The following FGD4 variants were observed in gnomAD, a reference collection of about 807,000 sequenced individuals.
The protein encoded by FGD4 is FYVE, RhoGEF and PH domain-containing protein 4.
Under a neutral mutation model 102.0 loss-of-function variants are expected in FGD4, and 42 were observed. The ratio of observed to expected loss-of-function variants is 0.41; its 90% confidence interval spans 0.32 to 0.53. The LOEUF (loss-of-function observed/expected upper bound fraction) is 0.53. Among genes scored for constraint, FGD4 ranks in the 20% least tolerant of loss-of-function variants. The pLI, the probability that FGD4 is intolerant of heterozygous loss-of-function variation, is 0.21. For synonymous variants in FGD4, 380 were observed against 375.7 expected, an observed-to-expected ratio of 1.01 and a Z score of -0.13; for missense variants, 902 against 1,078.2, an observed-to-expected ratio of 0.84 and a Z score of 2.29.
chr12:32,534,574 G>A (rs1005036560), intron 1 of FGD4: 20 of 884,818 alleles, frequency 2.3e-5, no homozygotes, highest in Non-Finnish European at 1.6e-6. Flanking sequence ...TGCATGCCGA[G>A]GGATGTAAAA....
At chr12:32,630,872 G>A (rs1950463305) in intron 14 of FGD4, among the ~76,000 whole-genome samples, 2 of 151,622 alleles carry the variant, frequency 1.3e-5, no homozygotes, top group Non-Finnish European at 2.9e-5. Flanking sequence ...CAGCTACTCA[G>A]GAGGCTGAGG....
At chr12:32,614,997 CAT>C (rs535055233) in intron 10 of FGD4, among the ~76,000 whole-genome samples, 62 of 152,282 alleles carry the variant, frequency 4.1e-4, no homozygotes, top group African/African-American at 1.2e-3. Flanking sequence ...AAATTGAAAA[CAT>C]GTGTCTGCAC....
At chr12:32,520,952 T>C (rs528715059) in intron 1 of FGD4, among the ~76,000 whole-genome samples, 1 of 152,258 alleles carries the variant, frequency 6.6e-6, no homozygotes, top group Admixed American at 6.5e-5. Context: ...GCCAAACTTG[T>C]CAATTACTAT....
At chr12:32,413,378 T>A (rs1941284736) in intron 1 of FGD4, among the ~76,000 whole-genome samples, 1 of 152,240 alleles carries the variant, frequency 6.6e-6, no homozygotes, top group African/African-American at 2.4e-5. Context: ...AACATTTACG[T>A]GCTGTGTAAA....
chr12:32,564,116 T>C, intron 1 of FGD4, 21 bp from the exon 2 acceptor site: 4 of 1,532,784 alleles, frequency 2.6e-6, no homozygotes, highest in Non-Finnish European at 3.5e-6. Flanking sequence ...TTACCTGCCC[T>C]TTCTTTCTGA....
chr12:32,558,336 G>A (rs914656226), intron 1 of FGD4, among the ~76,000 whole-genome samples: 4 of 152,202 alleles, frequency 2.6e-5, no homozygotes, highest in Admixed American at 2.6e-4. Flanking sequence ...AGAAAACTGT[G>A]TCTTCCCTCT....
rs555200249 is a variant in FGD4, at chr12:32,541,554, C to T, written c.167-22583C>T. 2.0e-4 allele frequency among the ~76,000 whole-genome samples: 30 copies of T among 152,136 alleles called. No homozygotes were observed. The South Asian group carries it at 5.0e-3, about 25-fold the overall frequency. ...CTAATTTTTGTATTTTTAGTAGAGA[C>T]GGGGTTTCACCACGTTGGCCAGGCT... On this transcript the variant is annotated intron_variant, in intron 1 of 16. Coordinates refer to ENST00000534526, the MANE Select transcript of FGD4 (RefSeq NM_001370298.3).
chr12:32,513,515 C>T (rs953419580), intron 1 of FGD4, among the ~76,000 whole-genome samples: 3 of 151,980 alleles, frequency 2.0e-5, no homozygotes, highest in Non-Finnish European at 4.4e-5. Flanking sequence ...GATGGAACTG[C>T]GGAGGAGGGG....
rs548103001 is a variant in FGD4, at chr12:32,590,365, TTC to T, written c.1011+7914_1011+7915del. Among the ~76,000 whole-genome samples the T allele has an allele frequency of 9.4e-4, 141 of 149,698 alleles. 1 individual carries two copies. The highest frequency in any genetic ancestry group is 2.5e-3 in the Admixed American group (38 of 15,010). ...GATATATGCATATCATAAGTGGGTG[TTC>T]TCTCTCTCTCTCTCTTTTTAATAAT... On this transcript the variant is annotated intron_variant, in intron 4 of 16. Coordinates refer to ENST00000534526, the MANE Select transcript of FGD4 (RefSeq NM_001370298.3).
intron 1 of FGD4, among the ~76,000 whole-genome samples, chr12:32,526,037 G>A (rs146673804): frequency 0.015 from 2,348 of 152,320 alleles, 61 homozygotes; most frequent in African/African-American, 0.053. Context: ...CATCGACCAC[G>A]CAAGGGCTGA....
chr12:32,501,489 A>G (rs1327507047), intron 1 of FGD4, among the ~76,000 whole-genome samples: 1 of 152,218 alleles, frequency 6.6e-6, no homozygotes, highest in Admixed American at 6.5e-5. Flanking sequence ...AACTCAGTAC[A>G]TAGTATAAAA....
chr12:32,480,692 G>A (rs1240566658), intron 1 of FGD4, among the ~76,000 whole-genome samples: 3 of 151,352 alleles, frequency 2.0e-5, no homozygotes, highest in Admixed American at 6.6e-5. Flanking sequence ...GTAGAGACGG[G>A]GTTTCACCAT....
intron 1 of FGD4, among the ~76,000 whole-genome samples, chr12:32,436,097 C>A (rs921586900): frequency 6.6e-6 from 1 of 152,118 alleles, no homozygotes; most frequent in African/African-American, 2.4e-5. Flanking sequence ...CTGTAAATGT[C>A]TGGAACAAGT....
chr12:32,442,561 C>CTT (rs35994170), intron 1 of FGD4, among the ~76,000 whole-genome samples: 3,414 of 106,984 alleles, frequency 0.032, 202 homozygotes, highest in African/African-American at 0.045. Context: ...ATCTTTCATC[C>CTT]TTTTTTTTTT....
chr12:32,474,159 A>G (rs183119053), intron 1 of FGD4, among the ~76,000 whole-genome samples: 69 of 152,204 alleles, frequency 4.5e-4, no homozygotes, highest in African/African-American at 1.6e-3. Context: ...GTAGAAATGT[A>G]AAATGGTACA....
At chr12:32,565,292 A>T (rs180946123) in intron 2 of FGD4, among the ~76,000 whole-genome samples, 1 of 152,302 alleles carries the variant, frequency 6.6e-6, no homozygotes, top group Non-Finnish European at 1.5e-5. Context: ...CACTACAATT[A>T]TATTTGTGGT....
rs56852726 is a variant in FGD4 at position 32,402,117 on chromosome 12, ATTTTTTTTTTTTT to A, written c.166+2175_166+2187del. Among the ~76,000 whole-genome samples, 130 of 105,200 alleles carry A rather than the reference ATTTTTTTTTTTTT, an allele frequency of 1.2e-3. 2 individuals carry two copies. Among genetic ancestry groups the A allele is most frequent in the East Asian group, 0.012 (46 of 3,728 alleles). 69.0% of individuals were successfully genotyped at this position (105,200 alleles called of 152,430 possible). A position where few individuals can be genotyped will look rare whatever the true frequency, so the allele number is the denominator to read the frequency against. On this transcript the variant is annotated intron_variant, in intron 1 of 16. Coordinates refer to ENST00000534526, the MANE Select transcript of FGD4 (RefSeq NM_001370298.3). The stretch of plus-strand genomic sequence containing the variant: ...CGGAGTTTCACCATGTTGGCCAGGC[ATTTTTTTTTTTTT>A]TTTTTTTTTTTTTTTTAAAGAGACG...
intron 1 of FGD4, among the ~76,000 whole-genome samples, chr12:32,422,288 C>CTTTTTTTGTTTTTTTTTTTTTTTTTT: frequency 1.8e-5 from 1 of 54,154 alleles, no homozygotes; most frequent in Non-Finnish European, 3.3e-5. Flanking sequence ...TTGGGAGCTG[C>CTTTTTTTGTTTTTTTTTTTTTTTTTT]TTTTTTTTTT....
intron 1 of FGD4, among the ~76,000 whole-genome samples, chr12:32,487,826 C>T (rs910495036): frequency 8.5e-5 from 13 of 152,182 alleles, no homozygotes; most frequent in African/African-American, 2.2e-4. Context: ...CTCAGCCTCC[C>T]GATAGCTGGG....
Sources: allele counts gnomAD v4.1 joint callset (sites outside exome capture counted in the v4.1 genomes callset), GRCh38; gene constraint gnomAD v4.1.1; transcripts MANE v1.5; gene names NCBI Gene and HGNC (gene_info 2026-07-23, HGNC 2026-07-21).